FLRT2: variants seen among roughly 807,000 people sequenced by gnomAD.
FLRT2 encodes fibronectin leucine rich transmembrane protein 2.
A neutral mutation model predicts 40.0 loss-of-function variants in FLRT2; 15 were observed. That is an observed-to-expected ratio of 0.38 (90% CI 0.25 to 0.58). The LOEUF (loss-of-function observed/expected upper bound fraction) is 0.58, where lower values mean the gene tolerates loss of function less well. Ranked by LOEUF, FLRT2 falls within the 20% of genes least tolerant of loss-of-function variation. FLRT2 has a pLI of 0.71. For missense variants in FLRT2, 726 were observed against 840.0 expected (o/e 0.86, Z 1.68); for synonymous variants, 380 against 336.8 (o/e 1.13, Z -1.41).
chr14:85,608,300 GCTCACTGCAGCCTCCAC>G (rs1445332131), intron 1 of FLRT2, among the ~76,000 whole-genome samples: 1 of 151,834 alleles, frequency 6.6e-6, no homozygotes, highest in Non-Finnish European at 1.5e-5. Context: ...TGTTATCTCG[GCTCACTGCAGCCTCCAC>G]CTCCCGGGTT....
At chr14:85,549,703 T>C (rs1442625200) in intron 1 of FLRT2, among the ~76,000 whole-genome samples, 2 of 145,880 alleles carry the variant, frequency 1.4e-5, no homozygotes, top group African/African-American at 4.9e-5. Context: ...AATTGTTGAA[T>C]AGATTGTGTG....
At position 85,641,217 on chromosome 14, in the gene FLRT2, C is replaced by T. The variant is rs1444003537; in HGVS notation, c.*17720C>T. On this transcript the variant is annotated 3_prime_UTR_variant, in exon 2 of 2. Transcript: ENST00000330753. ...CAGGGTGGAAAGCTGTGACAGTCAG[C>T]TTTTTCCCTGGATATGGCTTATTGG... 6.6e-6 allele frequency: 1 copy of T among 152,208 alleles called. No homozygotes were observed. Among genetic ancestry groups the T allele is most frequent in the Non-Finnish European group, 1.5e-5 (1 of 68,048 alleles). 9.4% of individuals were successfully genotyped at this position (152,208 alleles called of 1,614,324 possible). A position where few individuals can be genotyped will look rare whatever the true frequency, so the allele number is the denominator to read the frequency against.
chr14:85,564,675 C>T (rs778578608), intron 1 of FLRT2, among the ~76,000 whole-genome samples: 5 of 152,162 alleles, frequency 3.3e-5, no homozygotes, highest in South Asian at 2.1e-4. Context: ...CTTTTGAAGA[C>T]GTGGGTAACT....
chr14:85,616,955 T>C (rs1162841406), intron 1 of FLRT2, among the ~76,000 whole-genome samples: 1 of 152,238 alleles, frequency 6.6e-6, no homozygotes, highest in African/African-American at 2.4e-5. Context: ...TTATGTTTAT[T>C]AGAAATTTAT....
intron 1 of FLRT2, among the ~76,000 whole-genome samples, chr14:85,599,982 C>T (rs1196316776): frequency 6.6e-6 from 1 of 152,128 alleles, no homozygotes; most frequent in Non-Finnish European, 1.5e-5. Flanking sequence ...CACAATGATA[C>T]CTTCAGAATA....
chr14:85,613,718 A>G (rs374575727), intron 1 of FLRT2, among the ~76,000 whole-genome samples: 1 of 152,330 alleles, frequency 6.6e-6, no homozygotes, highest in South Asian at 2.1e-4. Context: ...GAGCGAAAGC[A>G]GACCAGCCTG....
At chr14:85,541,710 C>G (rs190009379) in intron 1 of FLRT2, among the ~76,000 whole-genome samples, 1 of 152,326 alleles carries the variant, frequency 6.6e-6, no homozygotes, top group East Asian at 1.9e-4. Context: ...TTACCTTCTA[C>G]TGACTTGTCT....
chr14:85,606,430 A>G (rs1430138825), intron 1 of FLRT2, among the ~76,000 whole-genome samples: 14 of 151,892 alleles, frequency 9.2e-5, no homozygotes, highest in Non-Finnish European at 2.1e-4. Context: ...TGTAATATTT[A>G]CTACACAGTG....
Position 85,623,989 on chromosome 14 carries a change from A to C in FLRT2, c.*492A>C, listed in dbSNP as rs1893553601. The C allele has an allele frequency of 6.0e-6, 1 of 167,330 alleles. No individual in the cohort carries two copies. Among genetic ancestry groups the C allele is most frequent in the Non-Finnish European group, 1.5e-5 (1 of 68,278 alleles). 10.4% of individuals were successfully genotyped at this position (167,330 alleles called of 1,614,324 possible). A position where few individuals can be genotyped will look rare whatever the true frequency, so the allele number is the denominator to read the frequency against. ...TACCTCCAGGTCCGGAAGACAGGTA[A>C]AAAATTCTATAATGTAAGAATGGAG... On this transcript the variant is annotated 3_prime_UTR_variant, in exon 2 of 2. Transcript: ENST00000330753.
chr14:85,535,369 A>G (rs1249568913), intron 1 of FLRT2, among the ~76,000 whole-genome samples: 3 of 149,150 alleles, frequency 2.0e-5, no homozygotes, highest in African/African-American at 7.5e-5. Flanking sequence ...AAAAAAAACA[A>G]CAACATTTTG....
chr14:85,606,975 C>T (rs1463895235), intron 1 of FLRT2, among the ~76,000 whole-genome samples: 4 of 150,826 alleles, frequency 2.7e-5, no homozygotes, highest in Non-Finnish European at 5.9e-5. Context: ...TCCCTCATGA[C>T]ATTTTAATAC....
rs191214119 is a variant in FLRT2 at position 85,645,593 on chromosome 14, C to T, written c.*22096C>T. ...AATAAGGAGACTTAGGGAAGAAATA[C>T]GTGTTAAGGATTGTTCATAAGTGGC... On this transcript the variant is annotated 3_prime_UTR_variant, in exon 2 of 2. Transcript: ENST00000330753. The T allele has an allele frequency of 6.6e-6, 1 of 152,068 alleles. No homozygotes were observed. Among genetic ancestry groups the T allele is most frequent in the Non-Finnish European group, 1.5e-5 (1 of 68,010 alleles). The allele number at this position is 152,068 out of a possible 1,614,324, so 9.4% of individuals were successfully genotyped here.
chr14:85,601,838 C>G (rs1892390662), intron 1 of FLRT2, among the ~76,000 whole-genome samples: 2 of 152,126 alleles, frequency 1.3e-5, no homozygotes, highest in South Asian at 4.1e-4. Context: ...AGAGTACTAG[C>G]AGAAGGATTT....
intron 1 of FLRT2, among the ~76,000 whole-genome samples, chr14:85,602,422 G>A (rs1383767465): frequency 6.6e-6 from 1 of 152,148 alleles, no homozygotes; most frequent in African/African-American, 2.4e-5. Flanking sequence ...AGGCGAGATG[G>A]CACTTCCGAT....
At chr14:85,532,338 A>C (rs371064798) in intron 1 of FLRT2, among the ~76,000 whole-genome samples, 1 of 152,230 alleles carries the variant, frequency 6.6e-6, no homozygotes, top group Non-Finnish European at 1.5e-5. Flanking sequence ...ACTTGTTACA[A>C]CATGACAGCA....
chr14:85,561,906 G>C (rs150116200), intron 1 of FLRT2, among the ~76,000 whole-genome samples: 92 of 152,254 alleles, frequency 6.0e-4, no homozygotes, highest in South Asian at 3.7e-3. Flanking sequence ...TGTGGCTGTT[G>C]TTTGGTTTTA....
At chr14:85,543,446 G>GGCAGTCT (rs1566718402) in intron 1 of FLRT2, among the ~76,000 whole-genome samples, 1 of 151,826 alleles carries the variant, frequency 6.6e-6, no homozygotes, top group African/African-American at 2.4e-5. Flanking sequence ...TCTTGGTAGC[G>GGCAGTCT]GCAGTCTCCT....
chr14:85,600,823 T>G (rs1892349560), intron 1 of FLRT2, among the ~76,000 whole-genome samples: 1 of 152,122 alleles, frequency 6.6e-6, no homozygotes, highest in Non-Finnish European at 1.5e-5. Context: ...AGTGAAGACC[T>G]GATCCTCTTT....
chr14:85,538,250 G>C (rs950202957), intron 1 of FLRT2, among the ~76,000 whole-genome samples: 4 of 152,112 alleles, frequency 2.6e-5, no homozygotes, highest in African/African-American at 9.7e-5. Flanking sequence ...ATCAGGGAAG[G>C]TCAAAGAAAA....
Sources: allele counts gnomAD v4.1 joint callset (sites outside exome capture counted in the v4.1 genomes callset), GRCh38; gene constraint gnomAD v4.1.1; transcripts MANE v1.5; gene names NCBI Gene and HGNC (gene_info 2026-07-23, HGNC 2026-07-21).